Variants in ELP4 observed in about 807,000 individuals in gnomAD.
ELP4 encodes elongator complex protein 4.
ELP4 carries 51 observed loss-of-function variants against 48.9 expected under a neutral mutation model. The observed-to-expected ratio is 1.04, with a 90% confidence interval of 0.83 to 1.32. ELP4 has a LOEUF of 1.32. Ranked by LOEUF, ELP4 falls within the 40% of genes most tolerant of loss-of-function variation. ELP4 has a pLI of 0.00. For synonymous variants in ELP4, 210 were observed against 189.2 expected (o/e 1.11, Z -0.90); for missense variants, 519 against 514.6 (o/e 1.01, Z -0.08).
intron 9 of ELP4, among the ~76,000 whole-genome samples, chr11:31,718,771 A>G (rs550008403): frequency 2.4e-4 from 37 of 152,264 alleles, no homozygotes; most frequent in Non-Finnish European, 4.7e-4. Context: ...GTCATAGTAA[A>G]CAAGATGCAT....
chr11:31,684,331 C>A (rs1189156099), intron 9 of ELP4, among the ~76,000 whole-genome samples: 1 of 152,054 alleles, frequency 6.6e-6, no homozygotes, highest in Non-Finnish European at 1.5e-5. Context: ...CTCAGCCTCC[C>A]AAGTAGCTGA....
At chr11:31,568,956 A>G (rs891841545) in intron 3 of ELP4, among the ~76,000 whole-genome samples, 4 of 151,912 alleles carry the variant, frequency 2.6e-5, no homozygotes, top group Non-Finnish European at 5.9e-5. Flanking sequence ...GTGGTGGCAC[A>G]TGTTTGTAAT....
At chr11:31,532,862 T>G (rs1235724864) in intron 2 of ELP4, among the ~76,000 whole-genome samples, 5 of 147,448 alleles carry the variant, frequency 3.4e-5, no homozygotes, top group Non-Finnish European at 7.5e-5. Flanking sequence ...ACCTCTGCCT[T>G]CCGGATTTAA....
Position 31,565,221 on chromosome 11 carries a change from G to C in ELP4, c.381+25438G>C, listed in dbSNP as rs192118210. On this transcript the variant is annotated intron_variant, in intron 3 of 9. Transcript: ENST00000640961. ...TATCCTTTGCCCACTTTTTCATGGG[G>C]TTGTTTTTTTCTTGTAAATTTGTTT... is the stretch of plus-strand genomic sequence containing the variant. Among the ~76,000 whole-genome samples the C allele has an allele frequency of 7.9e-5, 12 of 151,984 alleles. No individual in the cohort carries two copies. In the East Asian group the frequency reaches 2.1e-3, roughly 27 times the overall value.
chr11:31,701,592 G>C (rs568511774), intron 9 of ELP4, among the ~76,000 whole-genome samples: 10 of 151,580 alleles, frequency 6.6e-5, no homozygotes, highest in Non-Finnish European at 1.3e-4. Context: ...TGTCTCCTGG[G>C]TTCTAAAACT....
At chr11:31,668,699 T>TGC (rs903118794) in intron 9 of ELP4, among the ~76,000 whole-genome samples, 3 of 142,080 alleles carry the variant, frequency 2.1e-5, no homozygotes, top group African/African-American at 8.3e-5. Context: ...TGTGTGTGTG[T>TGC]GTGTGTGTGT....
At chr11:31,554,334 T>C (rs1460489788) in intron 3 of ELP4, among the ~76,000 whole-genome samples, 1 of 152,192 alleles carries the variant, frequency 6.6e-6, no homozygotes, top group Non-Finnish European at 1.5e-5. Context: ...TCTCTTGCTC[T>C]AGAATAGCAT....
intron 5 of ELP4, among the ~76,000 whole-genome samples, chr11:31,612,692 G>A (rs1309873075): frequency 6.6e-6 from 1 of 152,130 alleles, no homozygotes; most frequent in African/African-American, 2.4e-5. Flanking sequence ...AATGAAGAAA[G>A]CAAGCTACTA....
chr11:31,648,734 T>C (rs1168268369), intron 8 of ELP4: 1 of 151,610 alleles, frequency 6.6e-6, no homozygotes, highest in African/African-American at 2.4e-5. Flanking sequence ...TAAAATATTT[T>C]ATATTCTAAA....
At chr11:31,758,063 A>T (rs761301525) in intron 9 of ELP4, among the ~76,000 whole-genome samples, 19 of 152,174 alleles carry the variant, frequency 1.2e-4, no homozygotes, top group Non-Finnish European at 2.6e-4. Context: ...ACAATTCAGG[A>T]CTATATTAAA....
chr11:31,516,717 CTT>C (rs1165607730), intron 1 of ELP4, among the ~76,000 whole-genome samples: 9 of 152,152 alleles, frequency 5.9e-5, no homozygotes, highest in Non-Finnish European at 7.4e-5. Flanking sequence ...GTCTCAAACT[CTT>C]GAGCTGAAGT....
At chr11:31,745,505 A>G (rs927090355) in intron 9 of ELP4, among the ~76,000 whole-genome samples, 1 of 152,238 alleles carries the variant, frequency 6.6e-6, no homozygotes, top group African/African-American at 2.4e-5. Context: ...ACAAGGCTAC[A>G]GTAACCAAAA....
chr11:31,774,832 C>T (rs1036142481), intron 9 of ELP4, among the ~76,000 whole-genome samples: 2 of 152,166 alleles, frequency 1.3e-5, no homozygotes, highest in Non-Finnish European at 2.9e-5. Flanking sequence ...GCTGTTATTG[C>T]AGAGATCCAA....
At chr11:31,684,447 T>G (rs1251729993) in intron 9 of ELP4, among the ~76,000 whole-genome samples, 1 of 152,162 alleles carries the variant, frequency 6.6e-6, no homozygotes, top group African/African-American at 2.4e-5. Context: ...CCTCAAGTGA[T>G]GCACTTATCT....
At position 31,789,862 on chromosome 11, in the gene ELP4, A is replaced by G. The variant is rs1303855898; in HGVS notation, c.*6338A>G. 12 of 1,360,698 alleles carry G rather than the reference A, an allele frequency of 8.8e-6. No homozygotes were observed. The East Asian group carries it at 9.9e-5, about 11-fold the overall frequency. The allele number at this position is 1,360,698 out of a possible 1,614,324, so 84.3% of individuals were successfully genotyped here. A position where few individuals can be genotyped will look rare whatever the true frequency, so the allele number is the denominator to read the frequency against. ...TTTTTCTTTCTTTCCTGAAAGCTCA[A>G]CTGTTGTGTCCCCATAGTCACTGAC... On this transcript the variant is annotated 3_prime_UTR_variant, in exon 10 of 10. Coordinates refer to ENST00000640961, the MANE Select transcript of ELP4 (RefSeq NM_019040.5).
chr11:31,641,137 C>G (rs1189907631), intron 7 of ELP4, among the ~76,000 whole-genome samples: 4 of 151,936 alleles, frequency 2.6e-5, no homozygotes, highest in African/African-American at 7.2e-5. Context: ...TTCTTAATTT[C>G]TTACATATTA....
intron 3 of ELP4, among the ~76,000 whole-genome samples, chr11:31,585,191 T>C (rs2133977368): frequency 6.6e-6 from 1 of 152,270 alleles, no homozygotes; most frequent in African/African-American, 2.4e-5. Context: ...TCATTTGGTG[T>C]GGTTCAAAAC....
intron 9 of ELP4, among the ~76,000 whole-genome samples, chr11:31,739,372 A>G (rs565751550): frequency 2.3e-4 from 35 of 152,274 alleles, no homozygotes; most frequent in African/African-American, 8.2e-4. Context: ...CTGTGGATCT[A>G]TGTTGTATAG....
chr11:31,747,019 T>C (rs1428474324), intron 9 of ELP4, among the ~76,000 whole-genome samples: 2 of 147,942 alleles, frequency 1.4e-5, no homozygotes, highest in Admixed American at 6.7e-5. Flanking sequence ...CTATTCATTT[T>C]AACCAGACTA....
Sources: gnomAD v4.1 joint callset for allele counts (sites outside exome capture counted in the v4.1 genomes callset) on GRCh38, gnomAD v4.1.1 for gene constraint, MANE v1.5 for transcripts, NCBI Gene and HGNC (gene_info 2026-07-23, HGNC 2026-07-21) for gene names.